The following FAM163A variants were observed in gnomAD, a reference collection of about 807,000 sequenced individuals.
The protein encoded by FAM163A is protein FAM163A.
FAM163A carries 7 observed loss-of-function variants against 12.0 expected under a neutral mutation model. That is an observed-to-expected ratio of 0.58 (90% CI 0.33 to 1.10). FAM163A has a LOEUF of 1.10. Ranked by LOEUF, FAM163A falls within the 50% of genes least tolerant of loss-of-function variation. FAM163A has a pLI of 0.03. For synonymous variants in FAM163A, 101 were observed against 91.0 expected, an observed-to-expected ratio of 1.11 and a Z score of -0.62; for missense variants, 202 against 218.6, an observed-to-expected ratio of 0.92 and a Z score of 0.48.
chr1:179,813,713 G>A (rs2148387734), intron 4 of FAM163A, 66 bp from the exon 5 acceptor site: 7 of 1,579,866 alleles, frequency 4.4e-6, no homozygotes, highest in Admixed American at 1.7e-5. Context: ...ACCTGTGCAC[G>A]CTCAAAAATG....
At chr1:179,741,249 C>T (rs1321015382), upstream of FAM163A, among the ~76,000 whole-genome samples, 5 of 152,222 alleles carry the variant, frequency 3.3e-5, no homozygotes, top group Admixed American at 6.5e-5. Flanking sequence ...ATTACATCTC[C>T]GCCAGACTGG....
At chr1:179,729,613 T>A in the FAM163A span, among the ~76,000 whole-genome samples, 1 of 152,164 alleles carries the variant, frequency 6.6e-6, no homozygotes, top group Non-Finnish European at 1.5e-5. Flanking sequence ...GCTTTCAGAG[T>A]TGGCCTGGTT....
chr1:179,745,589 C>T (rs1336130883), intron 1 of FAM163A, among the ~76,000 whole-genome samples: 1 of 152,188 alleles, frequency 6.6e-6, no homozygotes, highest in Non-Finnish European at 1.5e-5. Flanking sequence ...TAGGGCCATT[C>T]CAGGGTCTGT....
chr1:179,764,416 G>C (rs570638921), intron 1 of FAM163A, among the ~76,000 whole-genome samples: 1 of 152,152 alleles, frequency 6.6e-6, no homozygotes, highest in Admixed American at 6.5e-5. Flanking sequence ...AGACTTTGGG[G>C]TTCTTCAAAT....
At chr1:179,752,018 G>A (rs929538671) in intron 1 of FAM163A, among the ~76,000 whole-genome samples, 5 of 152,106 alleles carry the variant, frequency 3.3e-5, no homozygotes, top group Non-Finnish European at 7.4e-5. Flanking sequence ...AGAAGGGAAA[G>A]CTAGAGGCAT....
At chr1:179,793,430 T>C (rs894818675) in intron 1 of FAM163A, among the ~76,000 whole-genome samples, 1 of 152,192 alleles carries the variant, frequency 6.6e-6, no homozygotes, top group African/African-American at 2.4e-5. Context: ...CCTAGTGACA[T>C]ATGGGCTTGT....
chr1:179,759,634 G>A (rs1466374120), intron 1 of FAM163A, among the ~76,000 whole-genome samples: 1 of 152,040 alleles, frequency 6.6e-6, no homozygotes, highest in Admixed American at 6.5e-5. Context: ...GAAGGGAGGT[G>A]CAAGGTGGGA....
intron 1 of FAM163A, among the ~76,000 whole-genome samples, chr1:179,764,719 T>A (rs1394129293): frequency 1.3e-5 from 2 of 152,086 alleles, no homozygotes; most frequent in East Asian, 1.9e-4. Flanking sequence ...TGGTCTCACA[T>A]GTTCGTTAAG....
intron 1 of FAM163A, among the ~76,000 whole-genome samples, chr1:179,778,516 C>T (rs1015704738): frequency 6.6e-6 from 1 of 152,108 alleles, no homozygotes; most frequent in Non-Finnish European, 1.5e-5. Context: ...TGGAGTAGAG[C>T]ATCGCATGCC....
At chr1:179,811,265 A>C (rs1448704068) in intron 2 of FAM163A, among the ~76,000 whole-genome samples, 3 of 152,214 alleles carry the variant, frequency 2.0e-5, no homozygotes, top group Admixed American at 1.3e-4. Flanking sequence ...GGAAGGCTTA[A>C]CAGCTGGTGG....
Position 179,813,146 on chromosome 1 carries a change from ATCC to A in FAM163A, c.55_57del (p.Leu19del). The A allele has an allele frequency of 6.4e-7, 1 of 1,551,846 alleles. No individual in the cohort carries two copies. On this transcript the variant is annotated inframe_deletion, in exon 4 of 5. Coordinates refer to ENST00000341785, the MANE Select transcript of FAM163A (RefSeq NM_173509.3). ...CACTGGCGGAATCCTAGCTACGGTG[ATCC>A]TCCTCTGCATCATTGCCGTCCTGTG...
intron 2 of FAM163A, among the ~76,000 whole-genome samples, chr1:179,810,783 A>G (rs543483267): frequency 6.6e-6 from 1 of 152,282 alleles, no homozygotes; most frequent in South Asian, 2.1e-4. Flanking sequence ...TTGTAATCCC[A>G]GCACTTTGGG....
intron 1 of FAM163A, among the ~76,000 whole-genome samples, chr1:179,773,262 A>G (rs1046958912): frequency 1.3e-5 from 2 of 152,082 alleles, no homozygotes; most frequent in African/African-American, 2.4e-5. Context: ...GATCCTTATG[A>G]TAGAACTGTT....
chr1:179,772,421 C>A (rs1328266759), intron 1 of FAM163A, among the ~76,000 whole-genome samples: 1 of 152,172 alleles, frequency 6.6e-6, no homozygotes, highest in Admixed American at 6.5e-5. Flanking sequence ...ACTCTGCTGC[C>A]GAGTCCATTT....
chr1:179,807,207 C>T (rs1401155217), intron 1 of FAM163A, among the ~76,000 whole-genome samples: 2 of 152,160 alleles, frequency 1.3e-5, no homozygotes, highest in African/African-American at 2.4e-5. Flanking sequence ...CTGGATGTCT[C>T]GGGAGGGCCC....
intron 2 of FAM163A, among the ~76,000 whole-genome samples, chr1:179,809,515 C>A (rs1290780139): frequency 6.6e-6 from 1 of 152,174 alleles, no homozygotes. Flanking sequence ...CGAACCTGGG[C>A]CTTGAGAACC....
At chr1:179,783,256 G>A (rs1421982746) in intron 1 of FAM163A, among the ~76,000 whole-genome samples, 1 of 152,126 alleles carries the variant, frequency 6.6e-6, no homozygotes, top group Non-Finnish European at 1.5e-5. Context: ...GTAGAAACAT[G>A]GGGAAAGACT....
chr1:179,779,291 A>C lies in FAM163A; in HGVS notation c.-135-28507A>C, dbSNP rs1008277286. 2.6e-5 allele frequency among the ~76,000 whole-genome samples: 4 copies of C among 152,208 alleles called. 1 individual carries two copies. The highest frequency in any genetic ancestry group is 9.7e-5 in the African/African-American group (4 of 41,442). On this transcript the variant is annotated intron_variant, in intron 1 of 4. Coordinates refer to ENST00000341785, the MANE Select transcript of FAM163A (RefSeq NM_173509.3). ...GAGTAGAAGGAATAGGTTGGATTTCAGCCTTTTTGAAGAGGGAGTTGGCTT... is the reference window on the plus strand; with the variant it reads ...GAGTAGAAGGAATAGGTTGGATTTCCGCCTTTTTGAAGAGGGAGTTGGCTT...
intron 1 of FAM163A, among the ~76,000 whole-genome samples, chr1:179,800,319 T>A (rs1373720919): frequency 1.3e-5 from 2 of 152,188 alleles, no homozygotes; most frequent in East Asian, 1.9e-4. Flanking sequence ...GTCACCCGAA[T>A]CAGGGAAGGG....
Sources: allele counts gnomAD v4.1 joint callset (sites outside exome capture counted in the v4.1 genomes callset), GRCh38; gene constraint gnomAD v4.1.1; transcripts MANE v1.5; gene names NCBI Gene and HGNC (gene_info 2026-07-23, HGNC 2026-07-21).